Variants in GRM8 observed in about 807,000 individuals in gnomAD.
The protein encoded by GRM8 is glutamate metabotropic receptor 8, also known as metabotropic glutamate receptor 8.
GRM8 carries 47 observed loss-of-function variants against 87.2 expected under a neutral mutation model. The ratio of observed to expected loss-of-function variants is 0.54; its 90% CI spans 0.43 to 0.69. The LOEUF is 0.69. GRM8 is among the 30% of genes least tolerant of loss of function. The pLI, the probability that GRM8 is intolerant of heterozygous loss-of-function variation, is 0.00. For missense variants in GRM8, 1,019 were observed against 1,139.2 expected (o/e 0.89, Z 1.52); for synonymous variants, 396 against 404.5 (o/e 0.98, Z 0.25).
At chr7:126,856,809 C>A (rs777009145) in intron 6 of GRM8, among the ~76,000 whole-genome samples, 7 of 152,150 alleles carry the variant, frequency 4.6e-5, no homozygotes, top group Non-Finnish European at 5.9e-5. Context: ...ATGGGGAATA[C>A]CCATCAAAGT....
chr7:126,796,721 T>A (rs1821988874), intron 6 of GRM8, among the ~76,000 whole-genome samples: 1 of 152,064 alleles, frequency 6.6e-6, no homozygotes, highest in Admixed American at 6.6e-5. Context: ...TGACATAGAC[T>A]CCTCTGGCTA....
At chr7:126,725,633 C>A (rs1812885572) in intron 7 of GRM8, among the ~76,000 whole-genome samples, 2 of 152,152 alleles carry the variant, frequency 1.3e-5, no homozygotes, top group Non-Finnish European at 2.9e-5. Context: ...TATATAATGG[C>A]TGTTCTTGCA....
chr7:126,671,369 A>C (rs534823902), intron 7 of GRM8, among the ~76,000 whole-genome samples: 1 of 152,240 alleles, frequency 6.6e-6, no homozygotes, highest in African/African-American at 2.4e-5. Flanking sequence ...CTATGTAGAA[A>C]TAGTTATTCT....
intron 7 of GRM8, among the ~76,000 whole-genome samples, chr7:126,763,190 A>C (rs1449021511): frequency 2.0e-5 from 3 of 151,574 alleles, no homozygotes; most frequent in African/African-American, 4.8e-5. Flanking sequence ...ATTTTTAAAG[A>C]ATCAAACATG....
At chr7:126,752,213 A>G (rs1816501854) in intron 7 of GRM8, among the ~76,000 whole-genome samples, 1 of 152,024 alleles carries the variant, frequency 6.6e-6, no homozygotes, top group Non-Finnish European at 1.5e-5. Flanking sequence ...GAAGAATCAC[A>G]TGAAGTCTTG....
At chr7:126,440,410 CAA>C (rs35828454) in intron 10 of GRM8, among the ~76,000 whole-genome samples, 18 of 75,424 alleles carry the variant, frequency 2.4e-4, no homozygotes, top group Admixed American at 3.5e-4. Flanking sequence ...GACTCCATCT[CAA>C]AAAAAAAAAA....
chr7:127,102,774 G>T (rs1183717730), intron 3 of GRM8, among the ~76,000 whole-genome samples: 1 of 152,248 alleles, frequency 6.6e-6, no homozygotes, highest in East Asian at 1.9e-4. Context: ...TACAAGGGCA[G>T]TGTCAGGGGG....
intron 6 of GRM8, chr7:126,869,674 G>A (rs976564532): frequency 2.6e-5 from 4 of 151,888 alleles, no homozygotes; most frequent in Admixed American, 6.6e-5. Context: ...CTTTTTTTCT[G>A]GGCAGTAGGT....
intron 9 of GRM8, among the ~76,000 whole-genome samples, chr7:126,453,873 G>T (rs1413330560): frequency 6.6e-6 from 1 of 151,654 alleles, no homozygotes; most frequent in African/African-American, 2.4e-5. Context: ...ATATGTATAT[G>T]AAAATTAATA....
chr7:127,043,884 C>A (rs1308743917), intron 3 of GRM8, among the ~76,000 whole-genome samples: 5 of 152,190 alleles, frequency 3.3e-5, no homozygotes, highest in African/African-American at 4.8e-5. Flanking sequence ...AGAACAATGA[C>A]CAAGAGGTTT....
At chr7:127,025,131 C>T (rs910562415) in intron 3 of GRM8, among the ~76,000 whole-genome samples, 1 of 152,024 alleles carries the variant, frequency 6.6e-6, no homozygotes, top group Admixed American at 6.6e-5. Context: ...AGAGCAGTCC[C>T]ACTTTGACAT....
intron 3 of GRM8, among the ~76,000 whole-genome samples, chr7:126,926,321 C>T (rs891040388): frequency 6.6e-6 from 1 of 152,064 alleles, no homozygotes; most frequent in Non-Finnish European, 1.5e-5. Flanking sequence ...TTGATGGAGA[C>T]CTGATAATTA....
In GRM8 at chr7:126,532,804, T is replaced by TGACGG. The variant is rs1815059926; in HGVS notation, c.2430+147_2430+148insCCGTC. On this transcript the variant is annotated intron_variant, in intron 9 of 10. Transcript: ENST00000339582. The stretch of plus-strand genomic sequence containing the variant: ...ATATATATATATATATATATATATA[T>TGACGG]ATATATATATATGCATGCTAAGTAA... 4 of 83,724 alleles carry TGACGG rather than the reference T, an allele frequency of 4.8e-5. 1 individual carries two copies. The highest frequency in any genetic ancestry group is 8.8e-5 in the Non-Finnish European group (4 of 45,388). 5.2% of individuals were successfully genotyped at this position (83,724 alleles called of 1,614,324 possible).
In GRM8 at chr7:127,212,410, A is replaced by ATTTTTTTT. The variant is rs144077638; in HGVS notation, c.510+30277_510+30284dup. ...TATGAGCACACTAGGACATGGTGTT[A>ATTTTTTTT]TTTTTTTTTTTTTTTTTTTTTTTTT... On this transcript the variant is annotated intron_variant, in intron 2 of 10. Coordinates refer to ENST00000339582, the MANE Select transcript of GRM8 (RefSeq NM_000845.3). Among the ~76,000 whole-genome samples the ATTTTTTTT allele has an allele frequency of 1.5e-4, 15 of 97,686 alleles. 1 individual carries two copies. The highest frequency in any genetic ancestry group is 6.0e-4 in the East Asian group (2 of 3,322). 64.1% of individuals were successfully genotyped at this position (97,686 alleles called of 152,430 possible).
rs547669707 is a variant in GRM8 at position 126,545,475 on chromosome 7, A to C, written c.1495-11588T>G. 3.2e-4 allele frequency among the ~76,000 whole-genome samples: 48 copies of C among 152,306 alleles called. No homozygotes were observed. In the South Asian group the frequency reaches 9.9e-3, roughly 32 times the overall value. On this transcript the variant is annotated intron_variant, in intron 8 of 10. Coordinates refer to ENST00000339582, the MANE Select transcript of GRM8 (RefSeq NM_000845.3). ...TTATATTATAGATGGCCAAATTTAG[A>C]GTTTCAAATAATTTCCTTCAAAAAA...
Position 126,699,187 on chromosome 7 carries a change from G to T in GRM8, c.1357+70678C>A, listed in dbSNP as rs145133612. On this transcript the variant is annotated intron_variant, in intron 7 of 10. Coordinates refer to ENST00000339582, the MANE Select transcript of GRM8 (RefSeq NM_000845.3). Reference sequence around the variant, plus strand: ...ATGGGTTCATCTGTAAAACACGATTGCCATCAAAGGCATGAAAGGAAAAGA... The same window carrying T: ...ATGGGTTCATCTGTAAAACACGATTTCCATCAAAGGCATGAAAGGAAAAGA... 1.2e-3 allele frequency among the ~76,000 whole-genome samples: 176 copies of T among 152,248 alleles called. 1 individual carries two copies. Among genetic ancestry groups the T allele is most frequent in the African/African-American group, 4.0e-3 (167 of 41,554 alleles).
chr7:126,947,666 T>A (rs1807688919), intron 3 of GRM8, among the ~76,000 whole-genome samples: 1 of 152,116 alleles, frequency 6.6e-6, no homozygotes, highest in Non-Finnish European at 1.5e-5. Flanking sequence ...CAAGAGCCTG[T>A]GACAGTGAAA....
intron 3 of GRM8, among the ~76,000 whole-genome samples, chr7:127,089,560 G>A (rs10239617): frequency 6.6e-6 from 1 of 152,178 alleles, no homozygotes; most frequent in Non-Finnish European, 1.5e-5. Flanking sequence ...GCAGAGCCCA[G>A]AGCTGGAGCA....
intron 3 of GRM8, among the ~76,000 whole-genome samples, chr7:127,039,794 G>A (rs113097937): frequency 5.2e-4 from 38 of 73,542 alleles, no homozygotes; most frequent in Non-Finnish European, 6.2e-4. Flanking sequence ...GCAAGAGATG[G>A]GAGTGGGAAG....
Sources: allele counts gnomAD v4.1 joint callset (sites outside exome capture counted in the v4.1 genomes callset), GRCh38; gene constraint gnomAD v4.1.1; transcripts MANE v1.5; gene names NCBI Gene and HGNC (gene_info 2026-07-23, HGNC 2026-07-21).